The following LARGE1 variants were observed in gnomAD, a reference collection of about 807,000 sequenced individuals.
LARGE1 encodes the protein LARGE xylosyl- and glucuronyltransferase 1, also known as xylosyl- and glucuronyltransferase LARGE1.
In LARGE1, 43 loss-of-function variants were observed where a neutral mutation model predicts 87.6. The ratio of observed to expected loss-of-function variants is 0.49; its 90% confidence interval spans 0.38 to 0.63. LARGE1 has a LOEUF of 0.63. LARGE1 is among the 30% of genes least tolerant of loss of function. The pLI is 0.00. For synonymous variants in LARGE1, 434 were observed against 394.6 expected, an observed-to-expected ratio of 1.10 and a Z score of -1.18; for missense variants, 802 against 1,000.2, an observed-to-expected ratio of 0.80 and a Z score of 2.67.
At chr22:33,563,387 G>A (rs1569272617) in intron 6 of LARGE1, 2 of 152,224 alleles carry the variant, frequency 1.3e-5, no homozygotes, top group East Asian at 3.8e-4. Context: ...CATTTGCAGA[G>A]CCCGTCACAC....
At chr22:33,696,331 C>T (rs1339580512) in intron 2 of LARGE1, among the ~76,000 whole-genome samples, 5 of 147,240 alleles carry the variant, frequency 3.4e-5, no homozygotes, top group Non-Finnish European at 5.9e-5. Flanking sequence ...GGCGCAATCT[C>T]GGCTCAATGC....
intron 1 of LARGE1, among the ~76,000 whole-genome samples, chr22:33,812,037 C>T (rs2086513264): frequency 6.6e-6 from 1 of 152,202 alleles, no homozygotes; most frequent in Admixed American, 6.5e-5. Context: ...CTGAGATTTC[C>T]ACCTTGGGTA....
chr22:33,389,405 C>T (rs74425322), intron 7 of LARGE1, among the ~76,000 whole-genome samples: 13,868 of 152,294 alleles, frequency 0.091, 1,011 homozygotes, highest in African/African-American at 0.21. Context: ...CCAGGCCCTA[C>T]CAAAGTATCC....
At chr22:33,750,020 T>C (rs1227247832) in intron 2 of LARGE1, among the ~76,000 whole-genome samples, 4 of 152,148 alleles carry the variant, frequency 2.6e-5, no homozygotes, top group Admixed American at 2.0e-4. Flanking sequence ...AAGGATGAAG[T>C]TGTTTGGGGG....
At chr22:33,520,240 A>G (rs184813546) in intron 6 of LARGE1, among the ~76,000 whole-genome samples, 1 of 151,866 alleles carries the variant, frequency 6.6e-6, no homozygotes, top group East Asian at 1.9e-4. Flanking sequence ...ATGCCTGGCT[A>G]ATTTTTTATT....
At chr22:33,809,513 G>C (rs1278273221) in intron 1 of LARGE1, among the ~76,000 whole-genome samples, 1 of 152,220 alleles carries the variant, frequency 6.6e-6, no homozygotes, top group Admixed American at 6.5e-5. Context: ...AGGACAGATG[G>C]ATGAATAGTC....
the LARGE1 span, among the ~76,000 whole-genome samples, chr22:33,097,636 A>G: frequency 2.0e-5 from 3 of 152,240 alleles, no homozygotes; most frequent in African/African-American, 4.8e-5. Flanking sequence ...TCTGGATATT[A>G]GCATTATCAG....
intron 11 of LARGE1, among the ~76,000 whole-genome samples, chr22:33,315,063 G>A (rs1174866603): frequency 6.6e-6 from 1 of 152,170 alleles, no homozygotes; most frequent in Non-Finnish European, 1.5e-5. Flanking sequence ...CAAAAAATTA[G>A]CTGGGCATGG....
chr22:33,553,082 C>A (rs142687414), intron 6 of LARGE1, among the ~76,000 whole-genome samples: 264 of 152,240 alleles, frequency 1.7e-3, no homozygotes, highest in African/African-American at 6.1e-3. Context: ...GCTTCTTTCC[C>A]CATCTTGACA....
At chr22:33,294,953 C>T (rs778503827) in intron 12 of LARGE1, among the ~76,000 whole-genome samples, 3 of 152,172 alleles carry the variant, frequency 2.0e-5, no homozygotes, top group Non-Finnish European at 2.9e-5. Flanking sequence ...TTTGGGCAAA[C>T]TTAACTTCTG....
intron 1 of LARGE1, among the ~76,000 whole-genome samples, chr22:33,815,433 C>A (rs1245801102): frequency 6.6e-6 from 1 of 152,152 alleles, no homozygotes; most frequent in Non-Finnish European, 1.5e-5. Flanking sequence ...GTGAATATTG[C>A]CCATTTTCCA....
chr22:33,619,554 CAAAA>C (rs553269111), intron 4 of LARGE1, among the ~76,000 whole-genome samples: 1 of 59,108 alleles, frequency 1.7e-5, no homozygotes, highest in Non-Finnish European at 3.9e-5. Flanking sequence ...GACTCTGTCT[CAAAA>C]AAAAAAAAAA....
chr22:33,529,393 C>A (rs1214280466), intron 6 of LARGE1, among the ~76,000 whole-genome samples: 1 of 152,204 alleles, frequency 6.6e-6, no homozygotes, highest in Non-Finnish European at 1.5e-5. Context: ...ACTGTGGTTG[C>A]CCCATTACCT....
In LARGE1 at chr22:33,693,135, T is replaced by C. The variant is rs141548721; in HGVS notation, c.107-42467A>G. Among the ~76,000 whole-genome samples the C allele has an allele frequency of 3.7e-4, 56 of 152,152 alleles. No homozygotes were observed. The East Asian group carries it at 5.2e-3, about 14-fold the overall frequency. ...GCTGGAGGCCACTATCCTAAGCAAA[T>C]TGACACAAGAACAGAAAACCAAACA... On this transcript the variant is annotated intron_variant, in intron 2 of 14. Coordinates refer to ENST00000397394, the MANE Select transcript of LARGE1 (RefSeq NM_133642.5).
chr22:33,882,508 C>G lies in LARGE1; in HGVS notation c.-83+37487G>C, dbSNP rs2146768091. Reference sequence around the variant, plus strand: ...GGGAAGCAGATGCCAGCCAGGAGACCTCTCAGCAGGGGGGCATTGTTAAAG... The same window carrying G: ...GGGAAGCAGATGCCAGCCAGGAGACGTCTCAGCAGGGGGGCATTGTTAAAG... On this transcript the variant is annotated intron_variant, in intron 1 of 14. Coordinates refer to ENST00000397394, the MANE Select transcript of LARGE1 (RefSeq NM_133642.5). Among the ~76,000 whole-genome samples, 3 of 152,296 alleles carry G rather than the reference C, an allele frequency of 2.0e-5. No homozygotes were observed. The South Asian group carries it at 6.2e-4, about 32-fold the overall frequency.
intron 9 of LARGE1, among the ~76,000 whole-genome samples, chr22:33,365,988 T>C (rs2064574541): frequency 6.6e-6 from 1 of 152,238 alleles, no homozygotes; most frequent in Admixed American, 6.5e-5. Context: ...GATTCATTCA[T>C]TTATGGTATG....
At chr22:33,755,470 T>C (rs1413625954) in intron 2 of LARGE1, among the ~76,000 whole-genome samples, 1 of 152,276 alleles carries the variant, frequency 6.6e-6, no homozygotes, top group Middle Eastern at 3.4e-3. Context: ...TTTTTCCACA[T>C]GCTGATAAGT....
chr22:33,116,800 G>C, the LARGE1 span, among the ~76,000 whole-genome samples: 1 of 152,220 alleles, frequency 6.6e-6, no homozygotes, highest in African/African-American at 2.4e-5. Context: ...GGTTGTTGAG[G>C]GGAGGTGGGG....
chr22:33,569,560 G>A (rs1045170770), intron 5 of LARGE1, among the ~76,000 whole-genome samples: 5 of 152,170 alleles, frequency 3.3e-5, no homozygotes, highest in Non-Finnish European at 5.9e-5. Flanking sequence ...TTGGTGGTGG[G>A]GAAAGAACAA....
Sources: gnomAD v4.1 joint callset for allele counts (sites outside exome capture counted in the v4.1 genomes callset) on GRCh38, gnomAD v4.1.1 for gene constraint, MANE v1.5 for transcripts, NCBI Gene and HGNC (gene_info 2026-07-23, HGNC 2026-07-21) for gene names.